RP1: variants seen among roughly 807,000 people sequenced by gnomAD.
RP1 encodes the protein RP1 axonemal microtubule associated.
Under a neutral mutation model 14.8 loss-of-function variants are expected in RP1, and 16 were observed. The ratio of observed to expected loss-of-function variants is 1.08; its 90% CI spans 0.73 to 1.65. RP1 has a LOEUF of 1.65. Ranked by LOEUF, RP1 falls within the 40% of genes most tolerant of loss-of-function variation. The pLI, the probability that RP1 is intolerant of heterozygous loss-of-function variation, is 0.00. For synonymous variants in RP1, 876 were observed against 883.6 expected, an observed-to-expected ratio of 0.99 and a Z score of 0.15; for missense variants, 2,631 against 2,535.0, an observed-to-expected ratio of 1.04 and a Z score of -0.81.
At chr8:54,750,240 C>T in intron 19 of RP1, among the ~76,000 whole-genome samples, 1 of 152,162 alleles carries the variant, frequency 6.6e-6, no homozygotes, top group East Asian at 1.9e-4. Flanking sequence ...TTACTAAAAA[C>T]AATAAACATG....
At chr8:54,663,495 C>T (rs1019072838) in intron 6 of RP1, among the ~76,000 whole-genome samples, 7 of 151,976 alleles carry the variant, frequency 4.6e-5, no homozygotes, top group African/African-American at 1.2e-4. Flanking sequence ...CTTATGGTGC[C>T]TAATTCGTAA....
chr8:54,822,226 C>A (rs1290097489), intron 24 of RP1, among the ~76,000 whole-genome samples: 2 of 152,054 alleles, frequency 1.3e-5, no homozygotes, highest in Non-Finnish European at 2.9e-5. Context: ...AAGCACTGTG[C>A]CATTTGAAAT....
At chr8:54,844,834 T>C (rs1048717703) in intron 25 of RP1, among the ~76,000 whole-genome samples, 1 of 152,170 alleles carries the variant, frequency 6.6e-6, no homozygotes, top group African/African-American at 2.4e-5. Context: ...TTGAGAAATC[T>C]TGGATAGTTT....
chr8:54,811,796 T>G (rs1172401095), intron 24 of RP1, among the ~76,000 whole-genome samples: 2 of 152,236 alleles, frequency 1.3e-5, no homozygotes, highest in African/African-American at 4.8e-5. Flanking sequence ...CTTGACATTT[T>G]GATGCTTTTC....
chr8:54,768,235 G>T (rs1053406972), intron 22 of RP1, among the ~76,000 whole-genome samples: 17 of 152,162 alleles, frequency 1.1e-4, no homozygotes, highest in African/African-American at 3.9e-4. Context: ...TTCAGCTCAA[G>T]TATCACCTCT....
At chr8:54,811,686 C>A (rs1032107701) in intron 24 of RP1, among the ~76,000 whole-genome samples, 11 of 152,118 alleles carry the variant, frequency 7.2e-5, no homozygotes, top group African/African-American at 2.7e-4. Context: ...ATATCCCCAG[C>A]CATTTTTAAA....
intron 1 of RP1, among the ~76,000 whole-genome samples, chr8:54,619,945 A>G (rs1172653609): frequency 2.0e-5 from 3 of 152,094 alleles, no homozygotes; most frequent in Non-Finnish European, 4.4e-5. Flanking sequence ...TGTTTCTCCC[A>G]TATTTCCTTA....
In RP1 at chr8:54,629,005, C is replaced by T. The variant is rs373678545; in HGVS notation, c.5123C>T (p.Ala1708Val). Residue 1708 changes from alanine to valine, a missense_variant, in exon 4 of 4, where the codon GCT becomes GTT. Ala to Val is a moderately conservative substitution (Grantham distance 64). Coordinates refer to ENST00000220676, the MANE Select transcript of RP1 (RefSeq NM_006269.2). ...EERQDKCDVS[A>V]VRDNYCRGDI... ...AGACAAGATAAGTGTGATGTTAGTG[C>T]TGTGAGGGACAATTATTGTAGGGGT... 1.1e-4 allele frequency: 176 copies of T among 1,613,878 alleles called. No individual in the cohort carries two copies. The highest frequency in any genetic ancestry group is 1.5e-4 in the Non-Finnish European group (172 of 1,179,976).
At chr8:54,567,958 A>G (rs7836982) in intron 1 of RP1, among the ~76,000 whole-genome samples, 46,618 of 152,124 alleles carry the variant, frequency 0.31, 7,980 homozygotes, top group Non-Finnish European at 0.39. Context: ...AGACACATAT[A>G]TTTCTTTCTC....
chr8:54,799,037 T>C (rs1258480739), intron 24 of RP1, among the ~76,000 whole-genome samples: 4 of 152,002 alleles, frequency 2.6e-5, no homozygotes, highest in Non-Finnish European at 4.4e-5. Flanking sequence ...TCCTACAGCA[T>C]AATATATAAA....
At chr8:54,580,830 G>T (rs541185650) in intron 1 of RP1, among the ~76,000 whole-genome samples, 1 of 151,906 alleles carries the variant, frequency 6.6e-6, no homozygotes, top group South Asian at 2.1e-4. Context: ...TATTGGCCAG[G>T]CTGGTCTCGA....
At chr8:54,631,540 ATT>A (rs140296238), downstream of RP1, among the ~76,000 whole-genome samples, 6 of 140,082 alleles carry the variant, frequency 4.3e-5, no homozygotes, top group African/African-American at 7.8e-5. Flanking sequence ...CTTCCCCTGC[ATT>A]TTTTTTTTTT....
chr8:54,760,983 TC>T (rs1809624831), intron 22 of RP1, among the ~76,000 whole-genome samples: 1 of 152,138 alleles, frequency 6.6e-6, no homozygotes, highest in Admixed American at 6.5e-5. Flanking sequence ...CCCAGCCTGC[TC>T]CCACCCACAG....
At chr8:54,670,664 T>A (rs1807152273) in intron 7 of RP1, among the ~76,000 whole-genome samples, 1 of 69,610 alleles carries the variant, frequency 1.4e-5, no homozygotes, top group South Asian at 4.9e-4. Context: ...GAATAATATA[T>A]ATGTTTTTAT....
rs951507682 is a variant in RP1, at chr8:54,758,589, G to C, written c.3094-333G>C. Among the ~76,000 whole-genome samples the C allele has an allele frequency of 1.4e-4, 21 of 152,304 alleles. No homozygotes were observed. In the East Asian group the frequency reaches 1.9e-3, roughly 14 times the overall value. On this transcript the variant is annotated intron_variant, in intron 21 of 22. Transcript: ENST00000636932. The stretch of plus-strand genomic sequence containing the variant: ...ACATTAGCTGCGTGGTTGTCAACCT[G>C]ATGCCCTAATGAGCTGCTTCTCAGA...
At chr8:54,658,393 T>C (rs1477787311) in intron 6 of RP1, among the ~76,000 whole-genome samples, 1 of 150,290 alleles carries the variant, frequency 6.7e-6, no homozygotes, top group African/African-American at 2.5e-5. Flanking sequence ...CTACTAAAAA[T>C]ACAAAAAAAT....
chr8:54,825,881 G>A (rs1811376878), intron 24 of RP1, among the ~76,000 whole-genome samples: 1 of 149,914 alleles, frequency 6.7e-6, no homozygotes, highest in Non-Finnish European at 1.5e-5. Context: ...ACCAGCCTGG[G>A]CAACATGGCA....
intron 12 of RP1, among the ~76,000 whole-genome samples, chr8:54,682,337 C>G (rs1174410349): frequency 6.6e-6 from 1 of 151,764 alleles, no homozygotes; most frequent in Non-Finnish European, 1.5e-5. Flanking sequence ...GTTTGCTGCA[C>G]CTATCAACCC....
At chr8:54,766,224 G>A (rs917461624) in intron 22 of RP1, among the ~76,000 whole-genome samples, 2 of 152,102 alleles carry the variant, frequency 1.3e-5, no homozygotes, top group Admixed American at 1.3e-4. Context: ...GGAAAAGAGG[G>A]GGAGATGATG....
Sources: allele counts gnomAD v4.1 joint callset (sites outside exome capture counted in the v4.1 genomes callset), GRCh38; gene constraint gnomAD v4.1.1; transcripts MANE v1.5; gene names NCBI Gene and HGNC (gene_info 2026-07-23, HGNC 2026-07-21).